The following HOMER1 variants were observed in gnomAD, a reference collection of about 807,000 sequenced individuals.
HOMER1 encodes the protein homer scaffold protein 1.
Under a neutral mutation model 48.9 loss-of-function variants are expected in HOMER1, and 3 were observed. That is an observed-to-expected ratio of 0.06 (90% confidence interval 0.03 to 0.16). The LOEUF (loss-of-function observed/expected upper bound fraction) is 0.16. Among genes scored for constraint, HOMER1 ranks in the 10% least tolerant of loss-of-function variants. The pLI is 1.00. For missense variants in HOMER1, 247 were observed against 411.4 expected (o/e 0.60, Z 3.46); for synonymous variants, 134 against 146.4 (o/e 0.92, Z 0.61).
chr5:79,440,969 C>A (rs1750720541), intron 4 of HOMER1, among the ~76,000 whole-genome samples: 1 of 152,068 alleles, frequency 6.6e-6, no homozygotes, highest in South Asian at 2.1e-4. Context: ...ACCAGCCTGG[C>A]TGACATGATG....
In HOMER1 at chr5:79,513,696, G is replaced by A. The variant is rs981660107; in HGVS notation, c.-922C>T. 2 of 152,324 alleles carry A rather than the reference G, an allele frequency of 1.3e-5. No homozygotes were observed. Among genetic ancestry groups the A allele is most frequent in the African/African-American group, 4.8e-5 (2 of 41,440 alleles). 9.4% of individuals were successfully genotyped at this position (152,324 alleles called of 1,614,324 possible). A position where few individuals can be genotyped will look rare whatever the true frequency, so the allele number is the denominator to read the frequency against. On this transcript the variant is annotated 5_prime_UTR_variant, in exon 1 of 9. Transcript: ENST00000334082. ...CACAGCGGGTCTGAGGCTCCCGTCG[G>A]CGGAGAATGAATGAATCACAGAGCC... is the stretch of plus-strand genomic sequence containing the variant.
At chr5:79,401,757 A>G in intron 6 of HOMER1, 142 bp downstream of exon 6, 1 of 769,332 alleles carries the variant, frequency 1.3e-6, no homozygotes, top group Non-Finnish European at 2.1e-6. Flanking sequence ...TTAATCAAAC[A>G]AATGCATATC....
At chr5:79,471,925 T>C (rs1004233306) in intron 1 of HOMER1, among the ~76,000 whole-genome samples, 5 of 152,188 alleles carry the variant, frequency 3.3e-5, no homozygotes, top group African/African-American at 9.7e-5. Context: ...GGCTCAAATG[T>C]TACCTTCTCA....
intron 1 of HOMER1, among the ~76,000 whole-genome samples, chr5:79,498,662 TA>T: frequency 6.6e-6 from 1 of 152,304 alleles, no homozygotes; most frequent in African/African-American, 2.4e-5. Context: ...AATGGCAGCA[TA>T]AGAGTTTGAA....
At position 79,461,251 on chromosome 5, in the gene HOMER1, A is replaced by C. The variant is rs142190933; in HGVS notation, c.6-4233T>G. 5.9e-3 allele frequency among the ~76,000 whole-genome samples: 905 copies of C among 152,360 alleles called. 7 individuals are homozygous for C. The highest frequency in any genetic ancestry group is 0.021 in the African/African-American group (863 of 41,592). ...GAACTCTTAAAAAGCTATCTTAAAA[A>C]TCTAGCTCTTAATCTCTTAAAAAGA... On this transcript the variant is annotated intron_variant, in intron 1 of 8. Coordinates refer to ENST00000334082, the MANE Select transcript of HOMER1 (RefSeq NM_004272.5).
intron 1 of HOMER1, among the ~76,000 whole-genome samples, chr5:79,462,503 T>C (rs921786324): frequency 6.6e-6 from 1 of 152,034 alleles, no homozygotes; most frequent in Non-Finnish European, 1.5e-5. Context: ...AAGATAACCC[T>C]GAGAAAAAAG....
intron 2 of HOMER1, among the ~76,000 whole-genome samples, chr5:79,455,831 C>G (rs529222231): frequency 3.3e-5 from 5 of 152,268 alleles, no homozygotes; most frequent in Non-Finnish European, 5.9e-5. Flanking sequence ...ATTTCTTTCT[C>G]TAAGTGAGTT....
At chr5:79,405,995 G>T (rs1437971952) in intron 5 of HOMER1, among the ~76,000 whole-genome samples, 2 of 152,154 alleles carry the variant, frequency 1.3e-5, no homozygotes, top group African/African-American at 4.8e-5. Flanking sequence ...CTGGAACATG[G>T]AGAATCTACA....
intron 8 of HOMER1, among the ~76,000 whole-genome samples, chr5:79,377,844 T>G (rs2112182303): frequency 6.6e-6 from 1 of 152,188 alleles, no homozygotes; most frequent in East Asian, 1.9e-4. Context: ...TACAGACACT[T>G]TTTTCCAAAA....
intron 5 of HOMER1, among the ~76,000 whole-genome samples, chr5:79,422,462 G>A (rs1750127329): frequency 1.3e-5 from 2 of 151,924 alleles, no homozygotes; most frequent in Admixed American, 6.6e-5. Flanking sequence ...ACAGGTTAAG[G>A]AAAGACTGAA....
intron 3 of HOMER1, among the ~76,000 whole-genome samples, 195 bp from the exon 4 acceptor site, chr5:79,447,340 A>C (rs1483177342): frequency 6.6e-6 from 1 of 152,230 alleles, no homozygotes; most frequent in Non-Finnish European, 1.5e-5. Context: ...TGCACTATGA[A>C]GTATTTTGAC....
chr5:79,495,071 A>C (rs1580032023), intron 1 of HOMER1, among the ~76,000 whole-genome samples: 2 of 152,160 alleles, frequency 1.3e-5, no homozygotes, highest in East Asian at 3.9e-4. Context: ...AAATATCTAT[A>C]TATATTAACA....
chr5:79,461,126 T>G (rs931457423), intron 1 of HOMER1, among the ~76,000 whole-genome samples: 1 of 152,194 alleles, frequency 6.6e-6, no homozygotes, highest in African/African-American at 2.4e-5. Flanking sequence ...ATGGGTATGT[T>G]TCAATACTAA....
intron 1 of HOMER1, among the ~76,000 whole-genome samples, chr5:79,460,072 C>G (rs1474767649): frequency 6.6e-6 from 1 of 152,102 alleles, no homozygotes; most frequent in Non-Finnish European, 1.5e-5. Context: ...CCAGGCTGGT[C>G]TTGAAGTCTT....
chr5:79,424,971 C>T (rs1750200636), intron 5 of HOMER1, among the ~76,000 whole-genome samples: 1 of 152,034 alleles, frequency 6.6e-6, no homozygotes, highest in South Asian at 2.1e-4. Context: ...AGCTTAAATG[C>T]TATCTAGGCA....
Position 79,502,309 on chromosome 5 carries a change from C to T in HOMER1, c.5+10461G>A, listed in dbSNP as rs375873297. Among the ~76,000 whole-genome samples, 27 of 152,044 alleles carry T rather than the reference C, an allele frequency of 1.8e-4. 1 individual carries two copies. The highest frequency in any genetic ancestry group is 8.5e-4 in the Admixed American group (13 of 15,262). Reference sequence around the variant, plus strand: ...CTGGGATTACAGACGTGAGCCACCGCGCCCAGCCAGTCCTGATAACATTTT... The same window carrying T: ...CTGGGATTACAGACGTGAGCCACCGTGCCCAGCCAGTCCTGATAACATTTT... On this transcript the variant is annotated intron_variant, in intron 1 of 8. Transcript: ENST00000334082.
At chr5:79,391,623 G>A (rs1749255245) in intron 8 of HOMER1, among the ~76,000 whole-genome samples, 1 of 151,746 alleles carries the variant, frequency 6.6e-6, no homozygotes, top group Non-Finnish European at 1.5e-5. Flanking sequence ...GCATGTGCCT[G>A]TAGTCCCAGC....
intron 3 of HOMER1, 102 bp downstream of exon 3, chr5:79,450,884 TTAAA>T: frequency 9.1e-7 from 1 of 1,100,720 alleles, no homozygotes; most frequent in Non-Finnish European, 1.3e-6. Context: ...TTCGAGAATA[TTAAA>T]TAAATTTCTC....
At chr5:79,497,117 C>A (rs1048496199) in intron 1 of HOMER1, among the ~76,000 whole-genome samples, 2 of 144,478 alleles carry the variant, frequency 1.4e-5, no homozygotes, top group Admixed American at 6.9e-5. Flanking sequence ...TAGGCTTCAA[C>A]GACACTGGAC....
Sources: gnomAD v4.1 joint callset for allele counts (sites outside exome capture counted in the v4.1 genomes callset) on GRCh38, gnomAD v4.1.1 for gene constraint, MANE v1.5 for transcripts, NCBI Gene and HGNC (gene_info 2026-07-23, HGNC 2026-07-21) for gene names.